ZFP64: variants seen among roughly 807,000 people sequenced by gnomAD.
ZFP64 encodes ZFP64 zinc finger protein.
Under a neutral mutation model 51.6 loss-of-function variants are expected in ZFP64, and 14 were observed. That is an observed-to-expected ratio of 0.27 (90% confidence interval 0.18 to 0.42). The LOEUF is 0.42. ZFP64 is among the 10% of genes least tolerant of loss of function. The pLI, the probability that ZFP64 is intolerant of heterozygous loss-of-function variation, is 1.00. For missense variants in ZFP64, 754 were observed against 906.8 expected (o/e 0.83, Z 2.16); for synonymous variants, 375 against 361.4 (o/e 1.04, Z -0.43).
chr20:52,177,585 C>T lies in ZFP64; in HGVS notation c.286+9247G>A, dbSNP rs189853862. On this transcript the variant is annotated intron_variant, in intron 2 of 5. Transcript: ENST00000216923. Reference sequence around the variant, plus strand: ...CGCCACCATGCGGCCATGCGGAGGACGCGAGGGCAAAGGATAAAAGCCCAC... The same window carrying T: ...CGCCACCATGCGGCCATGCGGAGGATGCGAGGGCAAAGGATAAAAGCCCAC... Among the ~76,000 whole-genome samples, 9 of 152,070 alleles carry T rather than the reference C, an allele frequency of 5.9e-5. No homozygotes were observed. The East Asian group carries it at 1.6e-3, about 26-fold the overall frequency.
chr20:52,119,533 A>AAAT (rs1457197109), intron 5 of ZFP64, among the ~76,000 whole-genome samples: 913 of 89,752 alleles, frequency 0.01, 14 homozygotes, highest in African/African-American at 0.037. Context: ...AAAAAAAAAA[A>AAAT]ATATATATAT....
At chr20:52,176,019 C>A in intron 2 of ZFP64, 1 of 966,070 alleles carries the variant, frequency 1.0e-6, no homozygotes, top group Non-Finnish European at 1.2e-6. Context: ...CTGTTGGAAG[C>A]CCTGACCACG....
At chr20:52,089,303 G>GGAAATGAAATTAGA (rs1203326431) in intron 7 of ZFP64, among the ~76,000 whole-genome samples, 2 of 152,118 alleles carry the variant, frequency 1.3e-5, no homozygotes, top group Non-Finnish European at 2.9e-5. Flanking sequence ...AGCAAAGGGA[G>GGAAATGAAATTAGA]GAAATGAAAT....
At chr20:52,129,652 C>G (rs1438809086) in intron 5 of ZFP64, among the ~76,000 whole-genome samples, 2 of 152,156 alleles carry the variant, frequency 1.3e-5, no homozygotes, top group African/African-American at 2.4e-5. Context: ...GTCACCCCGG[C>G]CCTGGCCCAT....
downstream of ZFP64, chr20:52,151,176 A>C: frequency 2.1e-6 from 2 of 941,152 alleles, no homozygotes; most frequent in Non-Finnish European, 2.5e-6. Flanking sequence ...ACGTTTATGA[A>C]AGGACTAAAA....
chr20:52,090,295 C>T (rs2078908987), intron 7 of ZFP64, among the ~76,000 whole-genome samples: 2 of 152,128 alleles, frequency 1.3e-5, no homozygotes, highest in East Asian at 1.9e-4. Flanking sequence ...GGATCTTCAA[C>T]TTTCTAGAGA....
At chr20:52,145,192 G>A (rs1447476015) in intron 5 of ZFP64, among the ~76,000 whole-genome samples, 3 of 152,222 alleles carry the variant, frequency 2.0e-5, no homozygotes, top group South Asian at 2.1e-4. Flanking sequence ...CTGCATGTAT[G>A]TGTATACAGT....
rs552743458 is a variant in ZFP64, at chr20:52,191,640, C to A, written c.-4G>T. 301 of 1,586,852 alleles carry A rather than the reference C, an allele frequency of 1.9e-4. 1 individual carries two copies. The highest frequency in any genetic ancestry group is 9.4e-6 in the Non-Finnish European group (11 of 1,169,614). On this transcript the variant is annotated 5_prime_UTR_variant, in exon 1 of 6. Coordinates refer to ENST00000216923, the MANE Select transcript of ZFP64 (RefSeq NM_018197.3). This position sits in a 1 kb window ranked among gnomAD's most constrained non-coding sequence, Gnocchi z 4.3. ...CGCCCTCGCTGCTCGCGTTCATGGC[C>A]GCAGACTGGGAGGTCCCCGGCCGGC...
At position 52,098,632 on chromosome 20, in the gene ZFP64, C is replaced by G. The variant is rs775356186; in HGVS notation, c.764-45G>C. ...TTGCTTAGTTTCTCATTTATAACCA[C>G]CATGCTAAGTCTTAGAATACAGTAG... On this transcript the variant is annotated intron_variant, in intron 5 of 8. Transcript: ENST00000361387. The G allele has an allele frequency of 1.9e-6, 3 of 1,612,202 alleles. No individual in the cohort carries two copies. The South Asian group carries it at 3.3e-5, about 18-fold the overall frequency.
At chr20:52,133,186 G>A (rs1221328034) in intron 5 of ZFP64, among the ~76,000 whole-genome samples, 1 of 152,004 alleles carries the variant, frequency 6.6e-6, no homozygotes, top group Non-Finnish European at 1.5e-5. Context: ...CAAAAAACGG[G>A]GTGTCAAAGG....
At chr20:52,144,702 C>A (rs1354373530) in intron 5 of ZFP64, among the ~76,000 whole-genome samples, 2 of 150,618 alleles carry the variant, frequency 1.3e-5, no homozygotes, top group Non-Finnish European at 3.0e-5. Context: ...ATAAGTAAAC[C>A]CTTAGCATAC....
intron 5 of ZFP64, among the ~76,000 whole-genome samples, chr20:52,108,527 A>G (rs1978377667): frequency 6.7e-6 from 1 of 148,168 alleles, no homozygotes; most frequent in African/African-American, 2.5e-5. Flanking sequence ...TTTTCTTTTG[A>G]GACGAAGTTT....
chr20:52,185,308 G>A (rs1002147242), intron 2 of ZFP64, among the ~76,000 whole-genome samples: 2 of 152,160 alleles, frequency 1.3e-5, no homozygotes, highest in Non-Finnish European at 2.9e-5. Flanking sequence ...ACAGGCATGA[G>A]CCACCGTGCC....
At chr20:52,103,215 C>T (rs1171867445) in intron 5 of ZFP64, among the ~76,000 whole-genome samples, 4 of 152,146 alleles carry the variant, frequency 2.6e-5, no homozygotes, top group African/African-American at 7.2e-5. Flanking sequence ...GATGTTCCCT[C>T]AGTAAGGTTC....
intron 7 of ZFP64, among the ~76,000 whole-genome samples, chr20:52,093,429 T>C (rs1182748975): frequency 6.6e-6 from 1 of 152,226 alleles, no homozygotes; most frequent in African/African-American, 2.4e-5. Context: ...CGTGAGCCAC[T>C]GCGCCCAGCC....
downstream of ZFP64, among the ~76,000 whole-genome samples, chr20:52,148,279 A>G (rs897812564): frequency 6.6e-6 from 1 of 152,206 alleles, no homozygotes; most frequent in Non-Finnish European, 1.5e-5. Context: ...ATAATCTTCC[A>G]GAATAAAGAA....
At chr20:52,109,626 T>TA (rs1035673625) in intron 5 of ZFP64, among the ~76,000 whole-genome samples, 2 of 151,434 alleles carry the variant, frequency 1.3e-5, no homozygotes, top group Non-Finnish European at 2.9e-5. Context: ...TAAAAATAAA[T>TA]AAAAATTAGC....
At position 52,093,133 on chromosome 20, in the gene ZFP64, TA is replaced by T. The variant is rs1185373631; in HGVS notation, c.976+4239del. Among the ~76,000 whole-genome samples, 934 of 150,882 alleles carry T rather than the reference TA, an allele frequency of 6.2e-3. 6 individuals carry two copies. The highest frequency in any genetic ancestry group is 0.021 in the African/African-American group (872 of 41,146). ...GATACACTGTTCCAAATCAGGAGAT[TA>T]AAAAAAAAATTTTTTTTTTTTTAAT... On this transcript the variant is annotated intron_variant, in intron 7 of 8. Transcript: ENST00000361387.
At chr20:52,127,970 G>A (rs945072466) in intron 5 of ZFP64, among the ~76,000 whole-genome samples, 22 of 151,918 alleles carry the variant, frequency 1.4e-4, no homozygotes, top group Non-Finnish European at 1.5e-5. Flanking sequence ...TTTTTTTCCC[G>A]GGTCTGTGGG....
Sources: gnomAD v4.1 joint callset for allele counts (sites outside exome capture counted in the v4.1 genomes callset) on GRCh38, gnomAD v4.1.1 for gene constraint, Gnocchi (gnomAD v3.1) non-coding constraint, MANE v1.5 for transcripts, NCBI Gene and HGNC (gene_info 2026-07-23, HGNC 2026-07-21) for gene names.